GABRB1: variants seen among roughly 807,000 people sequenced by gnomAD.
GABRB1 encodes the protein gamma-aminobutyric acid receptor subunit beta-1.
Under a neutral mutation model 51.6 loss-of-function variants are expected in GABRB1, and 17 were observed. The ratio of observed to expected loss-of-function variants is 0.33; its 90% confidence interval spans 0.23 to 0.49. GABRB1 has a LOEUF of 0.49. GABRB1 is among the 20% of genes least tolerant of loss of function. The pLI is 0.99. For missense variants in GABRB1, 410 were observed against 600.6 expected (o/e 0.68, Z 3.32); for synonymous variants, 247 against 218.9 (o/e 1.13, Z -1.14).
At chr4:47,241,386 C>T (rs536598579) in intron 4 of GABRB1, among the ~76,000 whole-genome samples, 15 of 152,252 alleles carry the variant, frequency 9.9e-5, no homozygotes, top group African/African-American at 3.6e-4. Flanking sequence ...TTAGCACTGA[C>T]TAACAAGAGG....
At chr4:47,165,963 A>G (rs10029262) in intron 4 of GABRB1, among the ~76,000 whole-genome samples, 21,047 of 151,858 alleles carry the variant, frequency 0.14, 1,909 homozygotes, top group East Asian at 0.33. Context: ...ATTCCACTCT[A>G]TCTCAATCTT....
chr4:47,094,287 G>A (rs535849107), intron 3 of GABRB1, among the ~76,000 whole-genome samples: 100 of 144,638 alleles, frequency 6.9e-4, no homozygotes, highest in Non-Finnish European at 1.2e-3. Flanking sequence ...GTGCAGTGGC[G>A]TGATGTCAGC....
rs73247696 is a variant in GABRB1, at chr4:47,279,810, T to C, written c.462-40317T>C. Among the ~76,000 whole-genome samples the C allele has an allele frequency of 7.1e-3, 1,087 of 152,078 alleles. 14 individuals are homozygous for C. The highest frequency in any genetic ancestry group is 6.9e-3 in the Non-Finnish European group (471 of 67,962). On this transcript the variant is annotated intron_variant, in intron 4 of 8. Transcript: ENST00000295454. ...TTCAATTTCTGTGTGTCCTTAGAGA[T>C]GAAGTGAGTTTCCTGAATGCTGAAT...
At chr4:47,338,559 G>A (rs974154160) in intron 5 of GABRB1, among the ~76,000 whole-genome samples, 11 of 152,150 alleles carry the variant, frequency 7.2e-5, no homozygotes, top group Non-Finnish European at 1.5e-4. Flanking sequence ...TTAGGCTTGT[G>A]ATCACTTGAA....
chr4:47,207,206 T>C (rs1720172669), intron 4 of GABRB1, among the ~76,000 whole-genome samples: 9 of 152,016 alleles, frequency 5.9e-5, no homozygotes, highest in Admixed American at 4.6e-4. Context: ...CTCATTTATC[T>C]CCATAGTCAA....
intron 3 of GABRB1, among the ~76,000 whole-genome samples, chr4:47,118,474 A>C (rs923516293): frequency 6.6e-6 from 1 of 152,146 alleles, no homozygotes; most frequent in Non-Finnish European, 1.5e-5. Flanking sequence ...GTTTTAAAAA[A>C]ATGAATTGAA....
At chr4:47,270,441 C>T (rs1722829822) in intron 4 of GABRB1, among the ~76,000 whole-genome samples, 1 of 152,158 alleles carries the variant, frequency 6.6e-6, no homozygotes, top group Non-Finnish European at 1.5e-5. Context: ...AAGGTCAGCC[C>T]AGTCACAATT....
chr4:47,201,924 G>A (rs1719912360), intron 4 of GABRB1, among the ~76,000 whole-genome samples: 1 of 152,102 alleles, frequency 6.6e-6, no homozygotes, highest in Non-Finnish European at 1.5e-5. Flanking sequence ...AAGTACTCTT[G>A]TAGCCTTCAG....
intron 3 of GABRB1, among the ~76,000 whole-genome samples, chr4:47,058,617 A>G (rs906307022): frequency 6.6e-6 from 1 of 152,174 alleles, no homozygotes; most frequent in Non-Finnish European, 1.5e-5. Context: ...GGATTTCCGC[A>G]GAGGTGCCCT....
At chr4:47,352,580 G>A (rs1016119909) in intron 5 of GABRB1, among the ~76,000 whole-genome samples, 33 of 152,102 alleles carry the variant, frequency 2.2e-4, no homozygotes, top group Non-Finnish European at 4.1e-4. Flanking sequence ...GATCAAGTGG[G>A]CTTCATCCCT....
intron 5 of GABRB1, among the ~76,000 whole-genome samples, chr4:47,336,782 C>T (rs1353383301): frequency 6.6e-6 from 1 of 152,080 alleles, no homozygotes; most frequent in Non-Finnish European, 1.5e-5. Context: ...GAAGCTAGAC[C>T]AGGAGATAAT....
chr4:47,315,951 G>A (rs1305850395), intron 4 of GABRB1, among the ~76,000 whole-genome samples: 1 of 151,758 alleles, frequency 6.6e-6, no homozygotes, highest in East Asian at 1.9e-4. Context: ...ACTATTACCT[G>A]GGTGGTGAAA....
At chr4:47,329,572 C>A (rs994869320) in intron 5 of GABRB1, among the ~76,000 whole-genome samples, 12 of 148,160 alleles carry the variant, frequency 8.1e-5, no homozygotes, top group Non-Finnish European at 1.6e-4. Context: ...CCTTTCCATT[C>A]TAAATGGTTA....
Position 47,178,473 on chromosome 4 carries a change from TG to T in GABRB1, c.461+17005del, listed in dbSNP as rs531707942. Among the ~76,000 whole-genome samples, 164 of 152,208 alleles carry T rather than the reference TG, an allele frequency of 1.1e-3. 1 individual carries two copies. The highest frequency in any genetic ancestry group is 1.7e-3 in the Non-Finnish European group (116 of 67,994). ...AAGAGGAATTTCATTCTTTTGTACGTGCTGAGACTTTTGTCATTGGATTAGT... is the reference window on the plus strand; with the variant it reads ...AAGAGGAATTTCATTCTTTTGTACGTCTGAGACTTTTGTCATTGGATTAGT... On this transcript the variant is annotated intron_variant, in intron 4 of 8. Coordinates refer to ENST00000295454, the MANE Select transcript of GABRB1 (RefSeq NM_000812.4).
intron 4 of GABRB1, among the ~76,000 whole-genome samples, chr4:47,298,885 A>G (rs951996332): frequency 6.6e-6 from 1 of 152,000 alleles, no homozygotes; most frequent in Non-Finnish European, 1.5e-5. Flanking sequence ...TGGTACCAAA[A>G]CAGAGATATA....
chr4:47,032,360 C>A, intron 2 of GABRB1, 57 bp from the exon 3 acceptor site: 1 of 1,462,518 alleles, frequency 6.8e-7, no homozygotes. Flanking sequence ...CCCAGACCCT[C>A]CCCAGCCTGC....
intron 3 of GABRB1, among the ~76,000 whole-genome samples, chr4:47,143,106 C>T (rs1051186383): frequency 1.3e-5 from 2 of 151,582 alleles, no homozygotes; most frequent in African/African-American, 2.4e-5. Flanking sequence ...AAGTTTGTAC[C>T]AGTACTTTTA....
chr4:47,284,151 C>T (rs930886113), intron 4 of GABRB1, among the ~76,000 whole-genome samples: 2 of 149,840 alleles, frequency 1.3e-5, no homozygotes, highest in Admixed American at 1.3e-4. Context: ...TCCATCAGGG[C>T]AGCTCAGAGC....
At chr4:47,067,256 C>T (rs978396905) in intron 3 of GABRB1, among the ~76,000 whole-genome samples, 4 of 152,154 alleles carry the variant, frequency 2.6e-5, no homozygotes, top group East Asian at 1.9e-4. Flanking sequence ...GTAGATTTAC[C>T]GTAACTCTTA....
Sources: allele counts gnomAD v4.1 joint callset (sites outside exome capture counted in the v4.1 genomes callset), GRCh38; gene constraint gnomAD v4.1.1; transcripts MANE v1.5; gene names NCBI Gene and HGNC (gene_info 2026-07-23, HGNC 2026-07-21).